The following BEAN1 variants were observed in gnomAD, a reference collection of about 807,000 sequenced individuals.
BEAN1 encodes the protein brain expressed associated with NEDD4 1.
In BEAN1, 17 loss-of-function variants were observed where a neutral mutation model predicts 17.7. That is an observed-to-expected ratio of 0.96 (90% CI 0.66 to 1.44). The LOEUF (loss-of-function observed/expected upper bound fraction) is 1.44. Ranked by LOEUF, BEAN1 falls within the 40% of genes most tolerant of loss-of-function variation. The pLI is 0.00. For missense variants in BEAN1, 359 were observed against 374.1 expected (o/e 0.96, Z 0.33); for synonymous variants, 142 against 151.8 (o/e 0.94, Z 0.47).
rs934443038 is a variant in BEAN1 at position 66,434,059 on chromosome 16, G to A, written c.-82-3536G>A. Among the ~76,000 whole-genome samples the A allele has an allele frequency of 6.6e-6, 1 of 152,248 alleles. No individual in the cohort carries two copies. Among genetic ancestry groups the A allele is most frequent in the African/African-American group, 2.4e-5 (1 of 41,474 alleles). ...CCATTCAGCCACTTCAAAGCCTGGAGTGCCACCAGCCCGCCCTCGAGTTCC... is the reference window on the plus strand; with the variant it reads ...CCATTCAGCCACTTCAAAGCCTGGAATGCCACCAGCCCGCCCTCGAGTTCC... On this transcript the variant is annotated intron_variant, in intron 1 of 4. Coordinates refer to ENST00000536005, the MANE Select transcript of BEAN1 (RefSeq NM_001178020.3). The surrounding 1 kb of genome is among the most constrained non-coding windows in gnomAD (Gnocchi z 4.3).
intron 1 of BEAN1, among the ~76,000 whole-genome samples, chr16:66,430,176 TC>T (rs1430850219): frequency 2.0e-5 from 3 of 152,206 alleles, no homozygotes; most frequent in Non-Finnish European, 2.9e-5. Context: ...GTTACACACC[TC>T]CCAGAATAGT....
chr16:66,472,669 A>G (rs980020849), intron 3 of BEAN1, among the ~76,000 whole-genome samples: 2 of 152,154 alleles, frequency 1.3e-5, no homozygotes, highest in African/African-American at 4.8e-5. Context: ...ATGCCACTGC[A>G]CTCCAGCCTG....
rs935779313 is a variant in BEAN1 at position 66,473,414 on chromosome 16, A to G, written c.289+3549A>G. ...GACACCTCCTGGGGCCTCGGCAGGG[A>G]ACCCAGAGGTGCTGTTGCCCCATAT... On this transcript the variant is annotated intron_variant, in intron 3 of 4. Coordinates refer to ENST00000536005, the MANE Select transcript of BEAN1 (RefSeq NM_001178020.3). The surrounding 1 kb of genome is among the most constrained non-coding windows in gnomAD (Gnocchi z 4.5). 4.6e-5 allele frequency among the ~76,000 whole-genome samples: 7 copies of G among 152,134 alleles called. No homozygotes were observed. The highest frequency in any genetic ancestry group is 1.0e-4 in the Non-Finnish European group (7 of 68,006).
At chr16:66,453,741 T>G (rs1160003283) in intron 2 of BEAN1, among the ~76,000 whole-genome samples, 1 of 151,836 alleles carries the variant, frequency 6.6e-6, no homozygotes, top group Admixed American at 6.6e-5. Flanking sequence ...ATTTTTTTTT[T>G]TTGGGTCAGG....
rs548783481 is a variant in BEAN1 at position 66,429,825 on chromosome 16, G to C, written c.-83+2394G>C. 1.9e-3 allele frequency among the ~76,000 whole-genome samples: 287 copies of C among 150,636 alleles called. 1 individual carries two copies. Among genetic ancestry groups the C allele is most frequent in the Middle Eastern group, 3.7e-3 (1 of 270 alleles). On this transcript the variant is annotated intron_variant, in intron 1 of 4. Transcript: ENST00000536005. ...TAATTAGGCTTGAGTCTCCTGCTTC[G>C]CTCAGGATTTGGAACACAGCCAGTG...
chr16:66,455,428 G>A (rs961168760), intron 2 of BEAN1, among the ~76,000 whole-genome samples: 1 of 152,202 alleles, frequency 6.6e-6, no homozygotes, highest in Non-Finnish European at 1.5e-5. Context: ...TAGCACCAGA[G>A]AGCCAAAGAA....
At chr16:66,437,269 C>T (rs907413043) in intron 1 of BEAN1, among the ~76,000 whole-genome samples, 2 of 151,974 alleles carry the variant, frequency 1.3e-5, no homozygotes, top group Non-Finnish European at 2.9e-5. Flanking sequence ...TGAAGTTGTC[C>T]GAAGCAGTGG....
intron 2 of BEAN1, among the ~76,000 whole-genome samples, chr16:66,452,186 C>A (rs1962696134): frequency 1.3e-5 from 2 of 152,208 alleles, no homozygotes; most frequent in Admixed American, 1.3e-4. Flanking sequence ...AGGTAACTGT[C>A]TTTTCCTATT....
At position 66,469,851 on chromosome 16, in the gene BEAN1, AC is replaced by A. The variant is rs1180069499; in HGVS notation, c.276del (p.Tyr92Ter). On this transcript the variant is annotated frameshift_variant, in exon 3 of 5. Transcript: ENST00000536005. LOFTEE classifies it high-confidence loss of function. ...CACCGCCGGCGTCGACACCGAGAGT[AC>A]GAGCACGGCTACGGTGAGCCGCCGC... is the stretch of plus-strand genomic sequence containing the variant. ...HHHRRRRHRE[Y>X]EHGYVSDEHT... The A allele has an allele frequency of 5.2e-6, 8 of 1,534,680 alleles. No homozygotes were observed. Among genetic ancestry groups the A allele is most frequent in the Non-Finnish European group, 7.0e-6 (8 of 1,146,622 alleles).
chr16:66,440,216 G>A (rs1204188734), intron 2 of BEAN1, among the ~76,000 whole-genome samples: 3 of 136,236 alleles, frequency 2.2e-5, no homozygotes, highest in Middle Eastern at 4.0e-3. Flanking sequence ...TGCAGGCTCC[G>A]CCTCCCAGGT....
intron 2 of BEAN1, among the ~76,000 whole-genome samples, chr16:66,467,828 C>T (rs1321844397): frequency 6.6e-6 from 1 of 152,254 alleles, no homozygotes; most frequent in Non-Finnish European, 1.5e-5. Flanking sequence ...GCCTCCATCT[C>T]ACTCCCTCCT....
chr16:66,452,921 C>A lies in BEAN1; in HGVS notation c.25+15220C>A, dbSNP rs76293992. Among the ~76,000 whole-genome samples the A allele has an allele frequency of 7.9e-4, 121 of 152,216 alleles. 2 individuals are homozygous for A. Among genetic ancestry groups the A allele is most frequent in the African/African-American group, 2.6e-3 (109 of 41,540 alleles). Reference sequence around the variant, plus strand: ...AGGTTCAAATCCTGTCTCCCTCCCCCCAACTAAAAATTGTCTTTGCGATCT... The same window carrying A: ...AGGTTCAAATCCTGTCTCCCTCCCCACAACTAAAAATTGTCTTTGCGATCT... On this transcript the variant is annotated intron_variant, in intron 2 of 4. Transcript: ENST00000536005.
chr16:66,438,804 GC>G (rs200882921), intron 2 of BEAN1, among the ~76,000 whole-genome samples: 13 of 151,734 alleles, frequency 8.6e-5, no homozygotes, highest in South Asian at 4.2e-4. Flanking sequence ...TGTTCCCTGA[GC>G]CCCCCCCAAA....
Position 66,477,510 on chromosome 16 carries a change from C to A in BEAN1, c.290-50C>A, listed in dbSNP as rs1267017005. ...GGTAGACCTACAGACCCATAAGGACCATCCCTGGATCCTGGTCTGAGGCCC... is the reference window on the plus strand; with the variant it reads ...GGTAGACCTACAGACCCATAAGGACAATCCCTGGATCCTGGTCTGAGGCCC... On this transcript the variant is annotated intron_variant, in intron 3 of 4. Transcript: ENST00000536005. 8 of 1,471,294 alleles carry A rather than the reference C, an allele frequency of 5.4e-6. No individual in the cohort carries two copies. In the South Asian group the frequency reaches 8.1e-5, roughly 15 times the overall value. 91.1% of individuals were successfully genotyped at this position (1,471,294 alleles called of 1,614,324 possible). A position where few individuals can be genotyped will look rare whatever the true frequency, so the allele number is the denominator to read the frequency against.
chr16:66,443,825 T>C (rs1332440148), intron 2 of BEAN1, among the ~76,000 whole-genome samples: 1 of 151,984 alleles, frequency 6.6e-6, no homozygotes, highest in South Asian at 2.1e-4. Context: ...CAGGTGCCCA[T>C]CACCACCCCC....
downstream of BEAN1, chr16:66,485,194 G>C (rs1472416195): frequency 4.7e-6 from 2 of 429,410 alleles, no homozygotes; most frequent in Admixed American, 4.9e-5. Flanking sequence ...CACACACTGG[G>C]GCCCCTCCCA....
intron 4 of BEAN1, among the ~76,000 whole-genome samples, chr16:66,478,543 A>C (rs1490930137): frequency 6.6e-6 from 1 of 152,190 alleles, no homozygotes; most frequent in Non-Finnish European, 1.5e-5. Context: ...CGGAGGTTGT[A>C]GTGAGCTGAG....
intron 4 of BEAN1, among the ~76,000 whole-genome samples, chr16:66,478,408 C>T (rs1420578742): frequency 6.6e-6 from 1 of 151,744 alleles, no homozygotes; most frequent in Non-Finnish European, 1.5e-5. Context: ...CGAGACCATC[C>T]TGGCTAACAC....
chr16:66,477,346 G>A lies in BEAN1; in HGVS notation c.290-214G>A, dbSNP rs1011777402. On this transcript the variant is annotated intron_variant, in intron 3 of 4. Transcript: ENST00000536005. ...TTGGGAGCTGGCCAGGACAGGGCCAGCTCTGCTTCCTCTCTGTATCCCCAT... is the reference window on the plus strand; with the variant it reads ...TTGGGAGCTGGCCAGGACAGGGCCAACTCTGCTTCCTCTCTGTATCCCCAT... Among the ~76,000 whole-genome samples the A allele has an allele frequency of 8.5e-5, 13 of 152,202 alleles. No individual in the cohort carries two copies. In the East Asian group the frequency reaches 2.1e-3, roughly 25 times the overall value.
Sources: gnomAD v4.1 joint callset for allele counts (sites outside exome capture counted in the v4.1 genomes callset) on GRCh38, gnomAD v4.1.1 for gene constraint, Gnocchi (gnomAD v3.1) non-coding constraint, MANE v1.5 for transcripts, NCBI Gene and HGNC (gene_info 2026-07-23, HGNC 2026-07-21) for gene names.